OR51B5: variants seen among roughly 807,000 people sequenced by gnomAD.
The protein encoded by OR51B5 is olfactory receptor family 51 subfamily B member 5.
For synonymous variants in OR51B5, 186 were observed against 144.8 expected (o/e 1.28, Z -2.04); for missense variants, 456 against 374.6 (o/e 1.22, Z -1.79).
intron 1 of OR51B5, among the ~76,000 whole-genome samples, chr11:5,365,251 C>A (rs1849347058): frequency 6.6e-6 from 1 of 152,130 alleles, no homozygotes; most frequent in African/African-American, 2.4e-5. Flanking sequence ...ATCTAGTGAA[C>A]CAGAAGGGCT....
At chr11:5,481,538 G>A (rs1216504277) in intron 1 of OR51B5, among the ~76,000 whole-genome samples, 1 of 149,198 alleles carries the variant, frequency 6.7e-6, no homozygotes, top group African/African-American at 2.5e-5. Context: ...GAAATAAAGG[G>A]TATTCAAGCA....
Position 5,501,444 on chromosome 11 carries a change from G to A in OR51B5, n.84+4125C>T, listed in dbSNP as rs981815347. Among the ~76,000 whole-genome samples the A allele has an allele frequency of 4.7e-5, 7 of 148,006 alleles. No homozygotes were observed. The Admixed American group carries it at 4.9e-4, about 10-fold the overall frequency. On this transcript the variant is annotated intron_variant and non_coding_transcript_variant, in intron 1 of 4. Transcript: ENST00000415970. The stretch of plus-strand genomic sequence containing the variant: ...AAAAGTTACCTTCTTATTATACTCA[G>A]GATAAAATCCAAGTTCCTTGACTAG...
intron 1 of OR51B5, among the ~76,000 whole-genome samples, chr11:5,365,375 T>A (rs905796950): frequency 6.6e-6 from 1 of 152,212 alleles, no homozygotes; most frequent in Admixed American, 6.5e-5. Context: ...GGTCCCGGCA[T>A]GGCAACAAGT....
intron 1 of OR51B5, chr11:5,402,767 C>T (rs1333226094): frequency 2.1e-6 from 1 of 471,456 alleles, no homozygotes; most frequent in Admixed American, 2.3e-5. Context: ...CAGATATTGC[C>T]CTACATCAAC....
chr11:5,496,622 G>A (rs938739866), intron 1 of OR51B5, among the ~76,000 whole-genome samples: 1 of 152,196 alleles, frequency 6.6e-6, no homozygotes, highest in Non-Finnish European at 1.5e-5. Context: ...ATCCCAGCAA[G>A]AGGGGGAGCC....
chr11:5,414,752 C>G (rs1247399793), intron 1 of OR51B5, among the ~76,000 whole-genome samples: 1 of 152,190 alleles, frequency 6.6e-6, no homozygotes, highest in Admixed American at 6.5e-5. Context: ...GCACCCAATA[C>G]AGGAGCACCC....
chr11:5,426,570 A>C (rs1298826478), intron 1 of OR51B5, among the ~76,000 whole-genome samples: 4 of 152,110 alleles, frequency 2.6e-5, no homozygotes, highest in Admixed American at 2.0e-4. Flanking sequence ...TATGTACTCT[A>C]CCCTACTTAA....
chr11:5,367,449 G>A (rs1244735665), intron 1 of OR51B5, among the ~76,000 whole-genome samples: 3 of 152,158 alleles, frequency 2.0e-5, no homozygotes, highest in African/African-American at 7.2e-5. Flanking sequence ...GATTATTCAT[G>A]CCTCCCCTTT....
At chr11:5,344,444 T>G (rs1327139542), upstream of OR51B5, among the ~76,000 whole-genome samples, 1 of 152,232 alleles carries the variant, frequency 6.6e-6, no homozygotes, top group Non-Finnish European at 1.5e-5. Flanking sequence ...CTTCCTGGTT[T>G]CCTTCCCTTT....
At chr11:5,430,609 G>A (rs765491101) in intron 1 of OR51B5, 4 of 412,268 alleles carry the variant, frequency 9.7e-6, no homozygotes, top group East Asian at 7.2e-5. Flanking sequence ...AAACATTATC[G>A]GAATTTATGA....
chr11:5,489,874 G>A (rs1851557709), intron 1 of OR51B5: 2 of 536,214 alleles, frequency 3.7e-6, no homozygotes, highest in Admixed American at 3.4e-5. Flanking sequence ...GAATACCCCA[G>A]AAAGGTGATA....
chr11:5,495,594 A>G (rs1851638612), intron 1 of OR51B5, among the ~76,000 whole-genome samples: 1 of 152,198 alleles, frequency 6.6e-6, no homozygotes, highest in African/African-American at 2.4e-5. Flanking sequence ...AGATACACAG[A>G]AGACAAAAAT....
chr11:5,482,121 A>T (rs182748119), intron 1 of OR51B5, among the ~76,000 whole-genome samples: 3 of 107,712 alleles, frequency 2.8e-5, no homozygotes, highest in African/African-American at 1.3e-4. Context: ...CAAGGCTACA[A>T]TAACCAAAAC....
At chr11:5,345,907 A>G (rs1257907203), upstream of OR51B5, 1 of 152,184 alleles carries the variant, frequency 6.6e-6, no homozygotes, top group Admixed American at 6.5e-5. Flanking sequence ...GGACTGAGAG[A>G]CATAAACCAG....
intron 1 of OR51B5, among the ~76,000 whole-genome samples, chr11:5,432,387 G>A (rs1016880993): frequency 6.6e-6 from 1 of 152,170 alleles, no homozygotes; most frequent in Non-Finnish European, 1.5e-5. Flanking sequence ...TACTAGATGT[G>A]TGATGTGTTC....
At chr11:5,343,438 G>A (rs1369198738) in exon 1 of OR51B5, 11 of 1,609,118 alleles carry the variant, frequency 6.8e-6, no homozygotes, top group Non-Finnish European at 8.5e-6. Context: ...ACATGAACAA[G>A]AAAAATACGG....
At chr11:5,369,274 T>C (rs980282603) in intron 1 of OR51B5, among the ~76,000 whole-genome samples, 3 of 152,212 alleles carry the variant, frequency 2.0e-5, no homozygotes, top group Non-Finnish European at 4.4e-5. Context: ...TATGCCCATG[T>C]GTGTGGGGTA....
At chr11:5,341,906 C>T (rs1421577498), downstream of OR51B5, among the ~76,000 whole-genome samples, 5 of 152,102 alleles carry the variant, frequency 3.3e-5, no homozygotes, top group African/African-American at 9.7e-5. Context: ...CTCATTTATC[C>T]GTGATTCCTC....
chr11:5,489,728 G>C, intron 1 of OR51B5: 1 of 1,053,186 alleles, frequency 9.5e-7, no homozygotes, highest in Non-Finnish European at 1.4e-6. Flanking sequence ...CATTTACATG[G>C]ACACACAGTG....
Sources: allele counts gnomAD v4.1 joint callset (sites outside exome capture counted in the v4.1 genomes callset), GRCh38; gene constraint gnomAD v4.1.1; transcripts MANE v1.5; gene names NCBI Gene and HGNC (gene_info 2026-07-23, HGNC 2026-07-21).